CPLANE1: variants seen among roughly 807,000 people sequenced by gnomAD.
CPLANE1 encodes the protein ciliogenesis and planar polarity effector 1.
In CPLANE1, 263 loss-of-function variants were observed where a neutral mutation model predicts 362.5. That is an observed-to-expected ratio of 0.73 (90% CI 0.66 to 0.80). The LOEUF is 0.80. CPLANE1 is among the 30% of genes least tolerant of loss of function. CPLANE1 has a pLI of 0.00. For missense variants in CPLANE1, 3,461 were observed against 3,793.4 expected, an observed-to-expected ratio of 0.91 and a Z score of 2.30; for synonymous variants, 1,212 against 1,302.6, an observed-to-expected ratio of 0.93 and a Z score of 1.50.
Position 37,221,315 on chromosome 5 carries a change from A to AG in CPLANE1, c.2746+8_2746+9insC. The AG allele has an allele frequency of 6.7e-7, 1 of 1,485,892 alleles. No homozygotes were observed. The highest frequency in any genetic ancestry group is 8.9e-7 in the Non-Finnish European group (1 of 1,120,928). The allele number at this position is 1,485,892 out of a possible 1,614,324, so 92.0% of individuals were successfully genotyped here. On this transcript the variant is annotated intron_variant, in intron 15 of 52. Coordinates refer to ENST00000651892, the MANE Select transcript of CPLANE1 (RefSeq NM_001384732.1). Reference sequence around the variant, plus strand: ...TTAAAAATACAAAGAAAGAAAAAAAAAAGCATACCTGAAAAATCTTTATTT... The same window carrying AG: ...TTAAAAATACAAAGAAAGAAAAAAAAGAAGCATACCTGAAAAATCTTTATTT...
Position 37,226,907 on chromosome 5 carries a change from T to C in CPLANE1, c.1688A>G (p.Asp563Gly). ...IHAKDDSEETDRTITELHSIQ... is the reference protein window; with the variant it reads ...IHAKDDSEETGRTITELHSIQ... ...AGAATGCAGTTCTGTAATGGTTCTA[T>C]CTGTCTCCTCACTATCATCCTTTGC... Residue 563 changes from aspartate (D) to glycine (G), a missense_variant, in exon 12 of 53, where the codon GAT becomes GGT. This residue lies in a region of CPLANE1 where 3,380 missense variants were observed against 3,666.1 expected (regional missense o/e 0.92). Coordinates refer to ENST00000651892, the MANE Select transcript of CPLANE1 (RefSeq NM_001384732.1). 1 of 1,551,868 alleles carries C rather than the reference T, an allele frequency of 6.4e-7. No homozygotes were observed. Among genetic ancestry groups the C allele is most frequent in the Non-Finnish European group, 8.7e-7 (1 of 1,147,002 alleles).
chr5:37,195,761 A>C (rs1787223984), intron 21 of CPLANE1, 97 bp downstream of exon 21: 1 of 1,155,402 alleles, frequency 8.7e-7, no homozygotes, highest in Non-Finnish European at 1.2e-6. Flanking sequence ...GTAAAATATC[A>C]GAGCATATTG....
At chr5:37,162,320 C>T in intron 38 of CPLANE1, 145 bp downstream of exon 38, 1 of 591,906 alleles carries the variant, frequency 1.7e-6, no homozygotes, top group Non-Finnish European at 3.0e-6. Context: ...CAGTATATAC[C>T]AAGACTGGAA....
chr5:37,170,502 G>A (rs540889712), intron 32 of CPLANE1, among the ~76,000 whole-genome samples, 171 bp from the exon 33 acceptor site: 12 of 150,668 alleles, frequency 8.0e-5, no homozygotes, highest in Non-Finnish European at 1.3e-4. Flanking sequence ...TTTTTTAAAG[G>A]GAGAGGAAAA....
intron 46 of CPLANE1, among the ~76,000 whole-genome samples, chr5:37,133,495 G>A (rs1766600902): frequency 6.9e-6 from 1 of 144,922 alleles, no homozygotes; most frequent in South Asian, 2.3e-4. Context: ...TCTTTGGTTA[G>A]AGGTGTGTGT....
At chr5:37,141,905 A>C (rs1399316409) in intron 44 of CPLANE1, 2 of 601,576 alleles carry the variant, frequency 3.3e-6, no homozygotes, top group Non-Finnish European at 4.2e-6. Context: ...GGCTTAAACC[A>C]GAATCTATGC....
At chr5:37,248,060 G>C (rs538133126) in intron 1 of CPLANE1, among the ~76,000 whole-genome samples, 1 of 152,128 alleles carries the variant, frequency 6.6e-6, no homozygotes, top group African/African-American at 2.4e-5. Flanking sequence ...AAAGTGCTGG[G>C]ATAACAGGCA....
At chr5:37,087,898 A>G in the CPLANE1 span, among the ~76,000 whole-genome samples, 64 of 152,368 alleles carry the variant, frequency 4.2e-4, no homozygotes, top group East Asian at 0.01. Flanking sequence ...ATGCTAGCTA[A>G]AACAACTTTG....
chr5:37,218,727 C>T (rs1794703972), intron 15 of CPLANE1, among the ~76,000 whole-genome samples: 1 of 152,034 alleles, frequency 6.6e-6, no homozygotes, highest in Non-Finnish European at 1.5e-5. Context: ...GTGAGTGGAT[C>T]ACCTGAGGTC....
At chr5:37,249,018 C>G (rs1740813053) in intron 1 of CPLANE1, among the ~76,000 whole-genome samples, 1 of 152,208 alleles carries the variant, frequency 6.6e-6, no homozygotes, top group Non-Finnish European at 1.5e-5. Context: ...CTCCCGCGCT[C>G]CGTCAGCAGG....
intron 25 of CPLANE1, among the ~76,000 whole-genome samples, chr5:37,184,578 A>G (rs542701685): frequency 1.3e-5 from 2 of 152,290 alleles, no homozygotes; most frequent in African/African-American, 2.4e-5. Context: ...ATTATTTCAT[A>G]TATCAATAAT....
intron 24 of CPLANE1, 23 bp from the exon 25 acceptor site, chr5:37,185,102 T>C: frequency 1.3e-6 from 2 of 1,568,990 alleles, no homozygotes; most frequent in Non-Finnish European, 8.6e-7. Context: ...GAATAAAAAG[T>C]CTTAGTGTTC....
At chr5:37,208,522 A>C (rs1254580177) in intron 16 of CPLANE1, among the ~76,000 whole-genome samples, 1 of 152,190 alleles carries the variant, frequency 6.6e-6, no homozygotes, top group East Asian at 1.9e-4. Context: ...CTAAAAATAC[A>C]AAAAATTAGC....
chr5:37,148,381 G>A (rs964230165), intron 42 of CPLANE1, 113 bp from the exon 43 acceptor site: 1 of 674,164 alleles, frequency 1.5e-6, no homozygotes. Flanking sequence ...TGAAAAAAAT[G>A]GGATTAAATC....
intron 46 of CPLANE1, among the ~76,000 whole-genome samples, chr5:37,136,407 G>A (rs912290485): frequency 2.6e-5 from 4 of 152,216 alleles, no homozygotes; most frequent in Non-Finnish European, 5.9e-5. Flanking sequence ...CTCTGTCCCT[G>A]TGGCTTTGCA....
At position 37,138,849 on chromosome 5, in the gene CPLANE1, C is replaced by T. The variant is rs757206151; in HGVS notation, c.8664-1G>A. 4 of 1,596,464 alleles carry T rather than the reference C, an allele frequency of 2.5e-6. No homozygotes were observed. The Admixed American group carries it at 5.5e-5, about 22-fold the overall frequency. On this transcript the variant is annotated splice_acceptor_variant, in intron 45 of 52. Transcript: ENST00000651892. LOFTEE classifies it high-confidence loss of function. ...CATCTGGAGCGGATGTACTGAAACA[C>T]TTCATTTGCAAATGTAATTTAAGAA...
intron 38 of CPLANE1, among the ~76,000 whole-genome samples, chr5:37,159,447 G>A (rs1017436346): frequency 2.0e-5 from 3 of 152,188 alleles, no homozygotes; most frequent in Non-Finnish European, 4.4e-5. Context: ...ATTCAGTGGT[G>A]TATAGTATAT....
chr5:37,220,146 C>T (rs1580842079), intron 15 of CPLANE1, among the ~76,000 whole-genome samples: 1 of 151,500 alleles, frequency 6.6e-6, no homozygotes, highest in Non-Finnish European at 1.5e-5. Context: ...CAGCTACTCA[C>T]GAGGCTGAGG....
intron 44 of CPLANE1, chr5:37,142,088 T>C: frequency 9.9e-6 from 10 of 1,013,092 alleles, no homozygotes; most frequent in Non-Finnish European, 1.1e-5. Flanking sequence ...TATTAATAAG[T>C]TACACCAAGA....
Sources: allele counts gnomAD v4.1 joint callset (sites outside exome capture counted in the v4.1 genomes callset), GRCh38; gene constraint gnomAD v4.1.1; regional missense constraint gnomAD v4.1.1; transcripts MANE v1.5; gene names NCBI Gene and HGNC (gene_info 2026-07-23, HGNC 2026-07-21).